NCK2: variants seen among roughly 807,000 people sequenced by gnomAD.
The protein encoded by NCK2 is NCK adaptor protein 2.
In NCK2, 16 loss-of-function variants were observed where a neutral mutation model predicts 33.9. That is an observed-to-expected ratio of 0.47 (90% CI 0.32 to 0.72). The LOEUF (loss-of-function observed/expected upper bound fraction) is 0.72. Ranked by LOEUF, NCK2 falls within the 30% of genes least tolerant of loss-of-function variation. The probability of loss-of-function intolerance (pLI) is 0.03; values close to 1 mark genes in which losing one functional copy is unlikely to be tolerated. For missense variants in NCK2, 418 were observed against 537.3 expected (o/e 0.78, Z 2.19); for synonymous variants, 273 against 239.9 (o/e 1.14, Z -1.27).
chr2:105,872,192 G>C (rs1241767007), intron 3 of NCK2, among the ~76,000 whole-genome samples: 3 of 152,192 alleles, frequency 2.0e-5, no homozygotes, highest in Admixed American at 6.5e-5. Flanking sequence ...AGAGCTCTAT[G>C]CTCCTGCCCT....
chr2:105,820,996 G>A (rs1479721365), intron 2 of NCK2, among the ~76,000 whole-genome samples: 2 of 152,200 alleles, frequency 1.3e-5, no homozygotes, highest in African/African-American at 4.8e-5. Flanking sequence ...AGAAGCAGCA[G>A]CAGCTGTGTT....
chr2:105,749,883 G>C (rs897809446), intron 1 of NCK2, among the ~76,000 whole-genome samples: 2 of 152,070 alleles, frequency 1.3e-5, no homozygotes, highest in Non-Finnish European at 2.9e-5. Context: ...AACACACAGA[G>C]GCCGGGCGCA....
chr2:105,835,397 A>ATACATATATATATGTATG (rs1553458588), intron 2 of NCK2, among the ~76,000 whole-genome samples: 1 of 97,454 alleles, frequency 1.0e-5, no homozygotes, highest in Non-Finnish European at 2.3e-5. Context: ...ACATATATAT[A>ATACATATATATATGTATG]TATATATACG....
At chr2:105,856,070 G>A (rs1336825503) in intron 3 of NCK2, among the ~76,000 whole-genome samples, 1 of 152,120 alleles carries the variant, frequency 6.6e-6, no homozygotes, top group Non-Finnish European at 1.5e-5. Context: ...TCTTGACCTT[G>A]TGATCCGCCC....
At chr2:105,786,385 C>T (rs1474323223) in intron 1 of NCK2, among the ~76,000 whole-genome samples, 2 of 152,160 alleles carry the variant, frequency 1.3e-5, no homozygotes, top group African/African-American at 2.4e-5. Flanking sequence ...GATGGGAGTT[C>T]GGGAAGGCTG....
At chr2:105,870,144 A>G (rs1677940110) in intron 3 of NCK2, among the ~76,000 whole-genome samples, 1 of 152,170 alleles carries the variant, frequency 6.6e-6, no homozygotes, top group Admixed American at 6.5e-5. Context: ...GTTGGAAGAC[A>G]CTCGGCCCCA....
chr2:105,745,405 A>G (rs1378735190), intron 1 of NCK2, among the ~76,000 whole-genome samples: 1 of 151,394 alleles, frequency 6.6e-6, no homozygotes, highest in Non-Finnish European at 1.5e-5. Context: ...AGGGGCGGGG[A>G]CGCCAGCCAA....
In NCK2 at chr2:105,864,578, A is replaced by G. The variant is rs144874096; in HGVS notation, c.226+9289A>G. Among the ~76,000 whole-genome samples the G allele has an allele frequency of 4.2e-3, 640 of 152,182 alleles. 2 individuals are homozygous for G. The highest frequency in any genetic ancestry group is 0.014 in the African/African-American group (581 of 41,498). ...TGAATCTCAGGCTTGGGAGGTACAC[A>G]GTTATCCTTATGACATACTTCTTTA... is the stretch of plus-strand genomic sequence containing the variant. On this transcript the variant is annotated intron_variant, in intron 3 of 4. Transcript: ENST00000233154.
At chr2:105,757,110 C>A (rs1238963197) in intron 1 of NCK2, among the ~76,000 whole-genome samples, 1 of 152,134 alleles carries the variant, frequency 6.6e-6, no homozygotes, top group Admixed American at 6.5e-5. Context: ...TGGCCCCATT[C>A]TGAACTTTAT....
intron 1 of NCK2, among the ~76,000 whole-genome samples, chr2:105,763,328 G>T (rs1689828081): frequency 6.6e-6 from 1 of 152,136 alleles, no homozygotes; most frequent in African/African-American, 2.4e-5. Context: ...CTGGGACCGA[G>T]GCTGCTGGCC....
At chr2:105,888,954 T>C (rs1047725314) in intron 4 of NCK2, among the ~76,000 whole-genome samples, 4 of 148,998 alleles carry the variant, frequency 2.7e-5, no homozygotes, top group African/African-American at 1.0e-4. Context: ...AAATGTAGAG[T>C]ACTCTACCAT....
At chr2:105,763,937 A>G (rs548212401) in intron 1 of NCK2, among the ~76,000 whole-genome samples, 21 of 152,332 alleles carry the variant, frequency 1.4e-4, no homozygotes, top group African/African-American at 5.1e-4. Flanking sequence ...ACATTCTTAA[A>G]GTATTCATGT....
intron 1 of NCK2, among the ~76,000 whole-genome samples, chr2:105,775,317 T>C (rs542992076): frequency 1.2e-4 from 18 of 152,230 alleles, no homozygotes; most frequent in Admixed American, 2.0e-4. Flanking sequence ...CTGGTGTGCC[T>C]GTCACTGGAC....
intron 2 of NCK2, among the ~76,000 whole-genome samples, chr2:105,844,690 G>A (rs758299740): frequency 2.1e-4 from 31 of 149,224 alleles, no homozygotes; most frequent in Non-Finnish European, 4.0e-4. Flanking sequence ...AGCTGAGATC[G>A]CGCCACTGCA....
At chr2:105,829,095 A>C (rs1392145790) in intron 2 of NCK2, among the ~76,000 whole-genome samples, 1 of 152,124 alleles carries the variant, frequency 6.6e-6, no homozygotes, top group Non-Finnish European at 1.5e-5. Context: ...AAGTACTCTT[A>C]CTGTCCCTTT....
chr2:105,836,015 ATTGT>A (rs887736815), intron 2 of NCK2, among the ~76,000 whole-genome samples: 3 of 148,810 alleles, frequency 2.0e-5, no homozygotes, highest in Non-Finnish European at 4.4e-5. Context: ...ATTCTCATGA[ATTGT>A]TTTTCTGATT....
At chr2:105,823,994 G>C (rs1471330440) in intron 2 of NCK2, among the ~76,000 whole-genome samples, 1 of 152,134 alleles carries the variant, frequency 6.6e-6, no homozygotes, top group Non-Finnish European at 1.5e-5. Context: ...TCCAAGTCAG[G>C]AGTCTGCAGT....
intron 1 of NCK2, among the ~76,000 whole-genome samples, chr2:105,778,179 G>A (rs1343124055): frequency 6.6e-6 from 1 of 152,214 alleles, no homozygotes; most frequent in Non-Finnish European, 1.5e-5. Flanking sequence ...CCCGGGCTTA[G>A]AGGGGGACTG....
At chr2:105,765,460 C>T (rs998426343) in intron 1 of NCK2, among the ~76,000 whole-genome samples, 12 of 152,154 alleles carry the variant, frequency 7.9e-5, no homozygotes, top group African/African-American at 2.7e-4. Flanking sequence ...CTTTTCCTTT[C>T]GAGCTGGTGG....
Sources: allele counts gnomAD v4.1 joint callset (sites outside exome capture counted in the v4.1 genomes callset), GRCh38; gene constraint gnomAD v4.1.1; transcripts MANE v1.5; gene names NCBI Gene and HGNC (gene_info 2026-07-23, HGNC 2026-07-21).